Variants in FBXO34 observed in about 807,000 individuals in gnomAD.
The protein encoded by FBXO34 is F-box only protein 34.
Under a neutral mutation model 24.5 loss-of-function variants are expected in FBXO34, and 12 were observed. The observed-to-expected ratio is 0.49, with a 90% confidence interval of 0.31 to 0.79. FBXO34 has a LOEUF of 0.79. Among genes scored for constraint, FBXO34 ranks in the 30% least tolerant of loss-of-function variants. The pLI, the probability that FBXO34 is intolerant of heterozygous loss-of-function variation, is 0.04. For missense variants in FBXO34, 823 were observed against 857.7 expected, an observed-to-expected ratio of 0.96 and a Z score of 0.51; for synonymous variants, 320 against 311.9, an observed-to-expected ratio of 1.03 and a Z score of -0.27.
downstream of FBXO34, among the ~76,000 whole-genome samples, chr14:55,356,414 G>A (rs781752114): frequency 1.3e-5 from 2 of 152,274 alleles, no homozygotes; most frequent in East Asian, 3.9e-4. Flanking sequence ...CTACTGTGCA[G>A]TGTCTGACAC....
intron 1 of FBXO34, among the ~76,000 whole-genome samples, chr14:55,305,081 A>C (rs1882492646): frequency 6.6e-6 from 1 of 152,142 alleles, no homozygotes; most frequent in African/African-American, 2.4e-5. Context: ...AAAAATCCTA[A>C]TTAGTGATTG....
chr14:55,324,666 G>A (rs1011676393), intron 1 of FBXO34, among the ~76,000 whole-genome samples: 2 of 151,736 alleles, frequency 1.3e-5, no homozygotes, highest in East Asian at 1.9e-4. Context: ...GCTCTGTATA[G>A]GACTGTTTTT....
intron 1 of FBXO34, among the ~76,000 whole-genome samples, chr14:55,320,123 G>C (rs1883078451): frequency 6.6e-6 from 1 of 152,178 alleles, no homozygotes; most frequent in Non-Finnish European, 1.5e-5. Flanking sequence ...TGCCATGCTT[G>C]CCATAATCTT....
chr14:55,413,826 G>A, the FBXO34 span: 3 of 385,286 alleles, frequency 7.8e-6, no homozygotes, highest in Non-Finnish European at 1.5e-5. Context: ...CAAAAATCTT[G>A]CCCTTGTTTA....
chr14:55,392,739 T>G, the FBXO34 span, among the ~76,000 whole-genome samples: 10 of 152,034 alleles, frequency 6.6e-5, no homozygotes, highest in Admixed American at 5.9e-4. Flanking sequence ...ATTAAAAGCT[T>G]AAAACAATGC....
chr14:55,299,834 T>G (rs1427960777), intron 1 of FBXO34, among the ~76,000 whole-genome samples: 2 of 152,236 alleles, frequency 1.3e-5, no homozygotes, highest in Non-Finnish European at 2.9e-5. Flanking sequence ...GGAATCCGTA[T>G]AAGAAACCCT....
At chr14:55,439,700 G>A in the FBXO34 span, among the ~76,000 whole-genome samples, 9 of 150,134 alleles carry the variant, frequency 6.0e-5, no homozygotes, top group South Asian at 2.1e-4. Flanking sequence ...GGAGGCCAAG[G>A]CGGGTGGATC....
At chr14:55,372,134 A>AT (rs1566576715), downstream of FBXO34, among the ~76,000 whole-genome samples, 1 of 151,996 alleles carries the variant, frequency 6.6e-6, no homozygotes, top group Non-Finnish European at 1.5e-5. Flanking sequence ...CTCATCTCAC[A>AT]TATCTGAACC....
At chr14:55,279,150 G>T (rs528816132) in intron 1 of FBXO34, among the ~76,000 whole-genome samples, 2 of 152,130 alleles carry the variant, frequency 1.3e-5, no homozygotes, top group Non-Finnish European at 2.9e-5. Context: ...AGCTGGGCAT[G>T]GTGGTGGGTG....
the FBXO34 span, among the ~76,000 whole-genome samples, chr14:55,438,406 C>T: frequency 6.6e-6 from 1 of 152,148 alleles, no homozygotes; most frequent in Non-Finnish European, 1.5e-5. Flanking sequence ...CTTTCCCCAC[C>T]CTCAACCCAC....
intron 1 of FBXO34, among the ~76,000 whole-genome samples, chr14:55,307,578 T>C (rs1304486987): frequency 1.3e-5 from 2 of 152,248 alleles, no homozygotes; most frequent in South Asian, 2.1e-4. Context: ...AATTTCTTTA[T>C]AAACAAGGTA....
intron 1 of FBXO34, among the ~76,000 whole-genome samples, chr14:55,337,222 C>T (rs1883814205): frequency 6.6e-6 from 1 of 152,140 alleles, no homozygotes; most frequent in African/African-American, 2.4e-5. Context: ...GATTCACTCA[C>T]CTTAGCCTCC....
intron 1 of FBXO34, among the ~76,000 whole-genome samples, chr14:55,304,391 A>G (rs1041236147): frequency 2.6e-5 from 4 of 151,934 alleles, no homozygotes; most frequent in African/African-American, 9.7e-5. Context: ...ACAGGATCTC[A>G]CTATGTTGCC....
the FBXO34 span, chr14:55,380,604 C>G: frequency 1.2e-6 from 2 of 1,612,298 alleles, no homozygotes; most frequent in South Asian, 1.1e-5. Flanking sequence ...AGATTTACAT[C>G]AAGTATATGA....
chr14:55,346,736 A>G (rs1884172578), intron 1 of FBXO34, among the ~76,000 whole-genome samples: 1 of 152,232 alleles, frequency 6.6e-6, no homozygotes, highest in African/African-American at 2.4e-5. Context: ...TAAAAAGGCC[A>G]TTTGACCTTC....
exon 3 of FBXO34, chr14:55,367,371 G>A (rs567730534): frequency 6.6e-6 from 1 of 152,340 alleles, no homozygotes; most frequent in South Asian, 2.1e-4. Flanking sequence ...ACGAACTCCA[G>A]AACTGGATGG....
At chr14:55,428,111 T>A in the FBXO34 span, among the ~76,000 whole-genome samples, 6 of 130,656 alleles carry the variant, frequency 4.6e-5, no homozygotes, top group Non-Finnish European at 8.0e-5. Flanking sequence ...CCATTTCACA[T>A]GCCTTATCTT....
chr14:55,432,075 A>C, the FBXO34 span, among the ~76,000 whole-genome samples: 1 of 152,172 alleles, frequency 6.6e-6, no homozygotes, highest in Non-Finnish European at 1.5e-5. Flanking sequence ...AAAAAATGGG[A>C]TAAAATGAGT....
At chr14:55,369,081 A>G (rs1202863665), downstream of FBXO34, 2 of 152,628 alleles carry the variant, frequency 1.3e-5, no homozygotes, top group African/African-American at 4.8e-5. Flanking sequence ...CCCCTCCCAA[A>G]CAAAATCAAA....
Sources: allele counts gnomAD v4.1 joint callset (sites outside exome capture counted in the v4.1 genomes callset), GRCh38; gene constraint gnomAD v4.1.1; transcripts MANE v1.5; gene names NCBI Gene and HGNC (gene_info 2026-07-23, HGNC 2026-07-21).